NLGN4Y: variants seen among roughly 807,000 people sequenced by gnomAD.
NLGN4Y encodes neuroligin-4, Y-linked.
NLGN4Y carries 4 observed loss-of-function variants against 8.4 expected under a neutral mutation model. The ratio of observed to expected loss-of-function variants is 0.48; its 90% confidence interval spans 0.23 to 1.09. The LOEUF (loss-of-function observed/expected upper bound fraction) is 1.09. Among genes scored for constraint, NLGN4Y ranks in the 50% least tolerant of loss-of-function variants. The pLI is 0.19. For synonymous variants in NLGN4Y, 35 were observed against 75.6 expected (o/e 0.46, Z 2.78); for missense variants, 90 against 192.3 (o/e 0.47, Z 3.15).
chrY:14,724,138 G>T (rs2080947717), intron 4 of NLGN4Y, among the ~76,000 whole-genome samples: 1 of 33,595 alleles, frequency 3.0e-5, no homozygotes, highest in South Asian at 6.4e-4. Context: ...TTTGTTGCAT[G>T]CATTTGATCT....
intron 1 of NLGN4Y, among the ~76,000 whole-genome samples, chrY:14,545,774 C>A: frequency 3.0e-5 from 1 of 33,296 alleles, no homozygotes; most frequent in Non-Finnish European, 7.4e-5. Flanking sequence ...TGCAGAAGTT[C>A]TTTCGTTTAA....
chrY:14,651,051 C>G (rs2150519847), intron 2 of NLGN4Y, among the ~76,000 whole-genome samples: 1 of 32,701 alleles, frequency 3.1e-5, no homozygotes, highest in Admixed American at 2.8e-4. Context: ...CCCCACCCCC[C>G]ACAAAAATAC....
At chrY:14,682,643 G>A (rs2080774863) in intron 2 of NLGN4Y, among the ~76,000 whole-genome samples, 1 of 33,341 alleles carries the variant, frequency 3.0e-5, no homozygotes, top group South Asian at 6.5e-4. Context: ...CCTATTTAAT[G>A]ATTAAAAAAT....
intron 2 of NLGN4Y, chrY:14,640,184 G>A (rs2080585641): frequency 8.4e-6 from 1 of 119,498 alleles, no homozygotes; most frequent in African/African-American, 9.8e-5. Context: ...CGAAGGCACA[G>A]TGTCTCCAAG....
At chrY:14,748,769 G>C in intron 4 of NLGN4Y, 1 of 147,679 alleles carries the variant, frequency 6.8e-6, no homozygotes, top group Non-Finnish European at 1.4e-5. Context: ...ACTTGTCTCT[G>C]TTATGGTTTC....
intron 2 of NLGN4Y, among the ~76,000 whole-genome samples, chrY:14,626,744 G>A (rs910703752): frequency 4.5e-4 from 15 of 33,441 alleles, no homozygotes; most frequent in Admixed American, 8.1e-4. Context: ...ACAGAGTGGT[G>A]CATGTACAAT....
chrY:14,762,743 T>TA (rs2081084540), intron 4 of NLGN4Y, among the ~76,000 whole-genome samples: 2 of 33,858 alleles, frequency 5.9e-5, no homozygotes, highest in Admixed American at 5.4e-4. Context: ...GGATAGAAAA[T>TA]ATGCCTACCA....
intron 1 of NLGN4Y, among the ~76,000 whole-genome samples, chrY:14,557,842 G>C: frequency 3.1e-5 from 1 of 32,416 alleles, no homozygotes; most frequent in East Asian, 8.1e-4. Context: ...GCCATGGTGG[G>C]ACAGATTTTC....
At chrY:14,677,271 A>G (rs750453275) in intron 2 of NLGN4Y, among the ~76,000 whole-genome samples, 4 of 33,429 alleles carry the variant, frequency 1.2e-4, no homozygotes, top group Admixed American at 5.5e-4. Flanking sequence ...AAGGCAAACA[A>G]CTCAAGAGAG....
chrY:14,555,901 C>T (rs768239855), intron 1 of NLGN4Y, among the ~76,000 whole-genome samples: 275 of 32,926 alleles, frequency 8.4e-3, no homozygotes, highest in Non-Finnish European at 0.018. Context: ...GCTTGTAATC[C>T]CAGCACTTTG....
At chrY:14,585,057 A>G (rs2080334867) in intron 1 of NLGN4Y, among the ~76,000 whole-genome samples, 1 of 34,119 alleles carries the variant, frequency 2.9e-5, no homozygotes, top group Non-Finnish European at 7.3e-5. Flanking sequence ...TACTAGTCAC[A>G]ATTTCTTAGT....
chrY:14,653,251 C>CGT (rs757553075), intron 2 of NLGN4Y, among the ~76,000 whole-genome samples: 5,898 of 30,096 alleles, frequency 0.2, no homozygotes, highest in African/African-American at 0.66. Context: ...TACATGTTTA[C>CGT]GTGTGTGTGT....
At chrY:14,793,621 T>C in intron 4 of NLGN4Y, 1 of 33,486 alleles carries the variant, frequency 3.0e-5, no homozygotes, top group African/African-American at 1.2e-4. Context: ...ATTATTTTAA[T>C]GTCTACTGGT....
At chrY:14,764,112 A>G (rs1002413979) in intron 4 of NLGN4Y, among the ~76,000 whole-genome samples, 1 of 33,530 alleles carries the variant, frequency 3.0e-5, no homozygotes, top group Non-Finnish European at 7.4e-5. Context: ...GTTCAGTACT[A>G]TCTGTGTTTT....
chrY:14,541,113 A>G (rs2080147997), intron 1 of NLGN4Y, among the ~76,000 whole-genome samples: 1 of 33,428 alleles, frequency 3.0e-5, no homozygotes, highest in African/African-American at 1.2e-4. Context: ...AACATAAATG[A>G]CCTGATGGAG....
chrY:14,538,082 C>A (rs2080138608), intron 1 of NLGN4Y, among the ~76,000 whole-genome samples: 1 of 33,771 alleles, frequency 3.0e-5, no homozygotes, highest in Non-Finnish European at 7.3e-5. Flanking sequence ...CCTTCAATGG[C>A]TATTGAACTG....
Position 14,593,882 on chromosome Y carries a change from G to A in NLGN4Y, c.-111-28127G>A, listed in dbSNP as rs762051225. Among the ~76,000 whole-genome samples, 20 of 33,452 alleles carry A rather than the reference G, an allele frequency of 6.0e-4. No individual in the cohort carries two copies. The East Asian group carries it at 0.015, about 25-fold the overall frequency. The allele number at this position is 33,452 out of a possible 37,273, so 89.7% of individuals were successfully genotyped here. A position where few individuals can be genotyped will look rare whatever the true frequency, so the allele number is the denominator to read the frequency against. On this transcript the variant is annotated intron_variant, in intron 1 of 6. Transcript: ENST00000684976. ...TCCTCAAGTAGGGGACAACAAATGG[G>A]TAAATTGTTCCCCATATTCATGTAG... is the stretch of plus-strand genomic sequence containing the variant.
At chrY:14,663,121 G>C in intron 2 of NLGN4Y, among the ~76,000 whole-genome samples, 1 of 33,404 alleles carries the variant, frequency 3.0e-5, no homozygotes, top group Admixed American at 2.7e-4. Flanking sequence ...TGAGAACATG[G>C]TATAACGGTC....
At chrY:14,556,043 C>T in intron 1 of NLGN4Y, among the ~76,000 whole-genome samples, 1 of 32,473 alleles carries the variant, frequency 3.1e-5, no homozygotes, top group Non-Finnish European at 7.5e-5. Flanking sequence ...ATCCCTGATA[C>T]TCTGGAGGCT....
Sources: allele counts gnomAD v4.1 joint callset (sites outside exome capture counted in the v4.1 genomes callset), GRCh38; gene constraint gnomAD v4.1.1; transcripts MANE v1.5; gene names NCBI Gene and HGNC (gene_info 2026-07-23, HGNC 2026-07-21).